VPS41: variants seen among roughly 807,000 people sequenced by gnomAD.
VPS41 encodes vacuolar protein sorting-associated protein 41 homolog.
A neutral mutation model predicts 130.9 loss-of-function variants in VPS41; 85 were observed. The observed-to-expected ratio is 0.65, with a 90% CI of 0.55 to 0.78. VPS41 has a LOEUF of 0.78. VPS41 is among the 30% of genes least tolerant of loss of function. The probability of loss-of-function intolerance (pLI) is 0.00; values close to 1 mark genes in which losing one functional copy is unlikely to be tolerated. For missense variants in VPS41, 874 were observed against 1,018.7 expected (o/e 0.86, Z 1.93); for synonymous variants, 335 against 332.9 (o/e 1.01, Z -0.07).
At chr7:38,837,002 C>T (rs1781512260) in intron 4 of VPS41, among the ~76,000 whole-genome samples, 1 of 152,046 alleles carries the variant, frequency 6.6e-6, no homozygotes, top group Admixed American at 6.5e-5. Flanking sequence ...TTGTAAGATA[C>T]TAAGAAATAG....
At chr7:38,826,951 T>A (rs989899855) in intron 5 of VPS41, among the ~76,000 whole-genome samples, 1 of 152,082 alleles carries the variant, frequency 6.6e-6, no homozygotes. Context: ...CCCGAGTAGC[T>A]GGGACTACAG....
At chr7:38,741,567 C>G (rs144030777) in intron 25 of VPS41, among the ~76,000 whole-genome samples, 1 of 152,150 alleles carries the variant, frequency 6.6e-6, no homozygotes, top group Non-Finnish European at 1.5e-5. Flanking sequence ...AAAATTATTA[C>G]CTTACTGAAA....
At chr7:38,884,577 A>C (rs1363346439) in intron 2 of VPS41, among the ~76,000 whole-genome samples, 1 of 151,754 alleles carries the variant, frequency 6.6e-6, no homozygotes, top group Non-Finnish European at 1.5e-5. Flanking sequence ...CTGGTCTTGA[A>C]CTCGTGACCT....
intron 25 of VPS41, among the ~76,000 whole-genome samples, chr7:38,732,545 G>GC (rs1334141540): frequency 6.6e-6 from 1 of 151,870 alleles, no homozygotes; most frequent in Non-Finnish European, 1.5e-5. Flanking sequence ...AAATTTTATT[G>GC]AACATACAGA....
chr7:38,817,924 G>A lies in VPS41; in HGVS notation c.385-42C>T, dbSNP rs147141710. On this transcript the variant is annotated intron_variant, in intron 6 of 28. Coordinates refer to ENST00000310301, the MANE Select transcript of VPS41 (RefSeq NM_014396.4). The stretch of plus-strand genomic sequence containing the variant: ...ACCCAACTCTGGTTTAGGAGTCATG[G>A]CCAATGCACAGAATGAAAACCCCTG... 1.1e-5 allele frequency: 16 copies of A among 1,505,568 alleles called. No homozygotes were observed. The African/African-American group carries it at 2.1e-4, about 19-fold the overall frequency. The allele number at this position is 1,505,568 out of a possible 1,614,324, so 93.3% of individuals were successfully genotyped here. A position where few individuals can be genotyped will look rare whatever the true frequency, so the allele number is the denominator to read the frequency against.
At chr7:38,858,442 T>C (rs888935518) in intron 4 of VPS41, among the ~76,000 whole-genome samples, 1 of 152,174 alleles carries the variant, frequency 6.6e-6, no homozygotes, top group East Asian at 1.9e-4. Context: ...TAATGAGGCA[T>C]GTCTGACTCC....
At chr7:38,847,467 G>GTTGT (rs1160925973) in intron 4 of VPS41, among the ~76,000 whole-genome samples, 1 of 152,144 alleles carries the variant, frequency 6.6e-6, no homozygotes, top group African/African-American at 2.4e-5. Flanking sequence ...CAGAAATGGG[G>GTTGT]TTGTCATCGC....
intron 5 of VPS41, among the ~76,000 whole-genome samples, chr7:38,821,722 G>C (rs1157232490): frequency 1.2e-5 from 1 of 82,894 alleles, no homozygotes; most frequent in African/African-American, 4.5e-5. Context: ...AAAAAAAAAA[G>C]AAAAAGAAAA....
chr7:38,808,212 A>G (rs998197149), intron 7 of VPS41, among the ~76,000 whole-genome samples: 14 of 152,206 alleles, frequency 9.2e-5, no homozygotes, highest in Admixed American at 3.3e-4. Context: ...AGCAATCAGC[A>G]ATGAAGAACA....
chr7:38,762,166 T>C (rs1354403243), intron 17 of VPS41, among the ~76,000 whole-genome samples: 2 of 152,196 alleles, frequency 1.3e-5, no homozygotes, highest in Non-Finnish European at 2.9e-5. Context: ...GGCTTCTCTC[T>C]GTTCAACTGG....
chr7:38,816,635 G>GA (rs1274744728), intron 7 of VPS41, among the ~76,000 whole-genome samples: 12 of 151,698 alleles, frequency 7.9e-5, no homozygotes, highest in Admixed American at 7.2e-4. Flanking sequence ...AATAAAAACA[G>GA]AAAAAAAACT....
chr7:38,764,822 CA>C (rs1244152148), intron 16 of VPS41, among the ~76,000 whole-genome samples: 1 of 151,774 alleles, frequency 6.6e-6, no homozygotes, highest in Non-Finnish European at 1.5e-5. Flanking sequence ...GCAGTATATA[CA>C]AGGAGAAACG....
chr7:38,849,343 G>C (rs568244069), intron 4 of VPS41, among the ~76,000 whole-genome samples: 2 of 152,170 alleles, frequency 1.3e-5, no homozygotes, highest in Non-Finnish European at 2.9e-5. Context: ...GCCTTCTGTA[G>C]GTGGCTTGTG....
At chr7:38,789,934 T>G in intron 9 of VPS41, 67 bp from the exon 10 acceptor site, 2 of 1,529,870 alleles carry the variant, frequency 1.3e-6, no homozygotes, top group Non-Finnish European at 1.8e-6. Flanking sequence ...TTTTATTCAG[T>G]ATATGGTATC....
intron 6 of VPS41, 69 bp from the exon 7 acceptor site, chr7:38,817,951 C>A (rs545357756): frequency 3.3e-6 from 4 of 1,211,204 alleles, no homozygotes; most frequent in Admixed American, 3.4e-5. Flanking sequence ...AAACCCCTGA[C>A]ACAGTTCAAG....
chr7:38,777,608 A>G (rs1188051679), intron 10 of VPS41, among the ~76,000 whole-genome samples: 1 of 152,156 alleles, frequency 6.6e-6, no homozygotes, highest in African/African-American at 2.4e-5. Context: ...TATTACAGAG[A>G]TCCTTCCAGA....
chr7:38,772,844 T>C (rs1242539137), intron 12 of VPS41, among the ~76,000 whole-genome samples: 1 of 151,940 alleles, frequency 6.6e-6, no homozygotes. Flanking sequence ...TAAAAATATT[T>C]AAGTGTAAAA....
chr7:38,767,491 C>T, intron 15 of VPS41, 46 bp downstream of exon 15: 1 of 1,391,114 alleles, frequency 7.2e-7, no homozygotes, highest in South Asian at 1.3e-5. Context: ...TAGCAATGCT[C>T]AATTCTATTT....
At chr7:38,791,638 T>C (rs1174055252) in intron 9 of VPS41, among the ~76,000 whole-genome samples, 1 of 151,952 alleles carries the variant, frequency 6.6e-6, no homozygotes, top group Non-Finnish European at 1.5e-5. Flanking sequence ...TATGACAGCA[T>C]AGGGCCTTCA....
Sources: allele counts gnomAD v4.1 joint callset (sites outside exome capture counted in the v4.1 genomes callset), GRCh38; gene constraint gnomAD v4.1.1; transcripts MANE v1.5; gene names NCBI Gene and HGNC (gene_info 2026-07-23, HGNC 2026-07-21).